PIEZO2: variants seen among roughly 807,000 people sequenced by gnomAD.
PIEZO2 encodes piezo-type mechanosensitive ion channel component 2.
In PIEZO2, 172 loss-of-function variants were observed where a neutral mutation model predicts 337.3. That is an observed-to-expected ratio of 0.51 (90% CI 0.45 to 0.58). The LOEUF is 0.58. Ranked by LOEUF, PIEZO2 falls within the 20% of genes least tolerant of loss-of-function variation. PIEZO2 has a pLI of 0.00. For synonymous variants in PIEZO2, 1,251 were observed against 1,228.5 expected (o/e 1.02, Z -0.38); for missense variants, 3,028 against 3,391.3 (o/e 0.89, Z 2.66).
At position 10,980,112 on chromosome 18, in the gene PIEZO2, A is replaced by G. The variant is rs1460979885; in HGVS notation, c.161-452T>C. 6.6e-6 allele frequency among the ~76,000 whole-genome samples: 1 copy of G among 152,106 alleles called. No individual in the cohort carries two copies. Among genetic ancestry groups the G allele is most frequent in the Non-Finnish European group, 1.5e-5 (1 of 68,024 alleles). ...AATAAGGCTAGAAAAGAAAATTATA[A>G]CCCCATGTTACTCATAACATAGATA... On this transcript the variant is annotated intron_variant, in intron 2 of 55. Transcript: ENST00000674853. This position sits in a 1 kb window ranked among gnomAD's most constrained non-coding sequence, Gnocchi z 4.8.
Position 10,752,795 on chromosome 18 carries a change from G to GGTGGTCCCA in PIEZO2, c.3999_4007dup (p.Gly1334_Thr1336dup). The GGTGGTCCCA allele has an allele frequency of 2.0e-6, 3 of 1,537,152 alleles. No homozygotes were observed. The highest frequency in any genetic ancestry group is 2.6e-6 in the Non-Finnish European group (3 of 1,146,896). ...ACCCCATGCAAAAGATGCTGATCCT[G>GGTGGTCCCA]GTGGTCCCAGTGATGAAGATGATGG... On this transcript the variant is annotated inframe_insertion, in exon 28 of 56. Coordinates refer to ENST00000674853, the MANE Select transcript of PIEZO2 (RefSeq NM_001378183.1).
chr18:10,913,268 G>T (rs1270336255), intron 3 of PIEZO2, among the ~76,000 whole-genome samples: 1 of 152,098 alleles, frequency 6.6e-6, no homozygotes, highest in East Asian at 1.9e-4. Context: ...CATAACCTGT[G>T]GAAGCCACAG....
intron 3 of PIEZO2, among the ~76,000 whole-genome samples, chr18:10,956,522 A>T (rs571750942): frequency 4.5e-4 from 69 of 152,350 alleles, no homozygotes; most frequent in African/African-American, 1.6e-3. Context: ...AGAAATTGAA[A>T]AAAAATTATC....
intron 2 of PIEZO2, among the ~76,000 whole-genome samples, chr18:10,996,200 T>C (rs2145582205): frequency 6.6e-6 from 1 of 152,328 alleles, no homozygotes; most frequent in Admixed American, 6.5e-5. Context: ...CACCGTAGTG[T>C]TTGTTGCTTT....
rs2039131863 is a variant in PIEZO2, at chr18:11,092,720, T to C, written c.65-26498A>G. 6.6e-6 allele frequency among the ~76,000 whole-genome samples: 1 copy of C among 151,904 alleles called. No individual in the cohort carries two copies. The highest frequency in any genetic ancestry group is 1.5e-5 in the Non-Finnish European group (1 of 67,998). ...AGCTTTGTCAAACCAAGAAAGAGGG[T>C]CACAAATGAGTTGCAGCCTTGCCTT... On this transcript the variant is annotated intron_variant, in intron 1 of 55. Transcript: ENST00000674853. The surrounding 1 kb of genome is among the most constrained non-coding windows in gnomAD (Gnocchi z 4.5).
rs116484109 is a variant in PIEZO2, at chr18:10,671,144, T to C, written c.*383A>G. On this transcript the variant is annotated 3_prime_UTR_variant, in exon 56 of 56. Coordinates refer to ENST00000674853, the MANE Select transcript of PIEZO2 (RefSeq NM_001378183.1). ...GGGGATGGAGCGCTGTATATTGCAT[T>C]GTAGCATCTCTCCAGGAAGTGCACG... 4.0e-3 allele frequency: 736 copies of C among 181,752 alleles called. 10 individuals carry two copies. Among genetic ancestry groups the C allele is most frequent in the African/African-American group, 0.017 (692 of 41,892 alleles). 11.3% of individuals were successfully genotyped at this position (181,752 alleles called of 1,614,324 possible).
rs2031334159 is a variant in PIEZO2, at chr18:10,920,690, TG to T, written c.287-9463del. On this transcript the variant is annotated intron_variant, in intron 3 of 55. Transcript: ENST00000674853. ...ACACAAGACGGCCAATCATAGAATC[TG>T]GGGGAAATTAAGAATATTTAAAAAG... 1.3e-5 allele frequency among the ~76,000 whole-genome samples: 2 copies of T among 152,052 alleles called. 1 individual carries two copies. Among genetic ancestry groups the T allele is most frequent in the Admixed American group, 1.3e-4 (2 of 15,258 alleles).
intron 3 of PIEZO2, among the ~76,000 whole-genome samples, chr18:10,960,439 A>AAGAGTG (rs1203759690): frequency 1.3e-5 from 2 of 152,204 alleles, no homozygotes; most frequent in Non-Finnish European, 2.9e-5. Flanking sequence ...TAAAAACATG[A>AAGAGTG]AGAGTGAGAT....
chr18:10,765,737 A>AGGGCAACTGAACT (rs11271811), intron 21 of PIEZO2, among the ~76,000 whole-genome samples: 3 of 151,740 alleles, frequency 2.0e-5, no homozygotes, highest in Admixed American at 6.6e-5. Flanking sequence ...CAGCAAGTGC[A>AGGGCAACTGAACT]GGAGTCCTGT....
At chr18:10,883,583 T>A (rs983671254) in intron 4 of PIEZO2, among the ~76,000 whole-genome samples, 3 of 152,184 alleles carry the variant, frequency 2.0e-5, no homozygotes, top group Non-Finnish European at 4.4e-5. Context: ...ACAGACATCA[T>A]CTCACATACT....
chr18:10,718,013 G>C (rs552112344), intron 37 of PIEZO2, among the ~76,000 whole-genome samples, 187 bp downstream of exon 37: 2 of 152,124 alleles, frequency 1.3e-5, no homozygotes, highest in African/African-American at 4.8e-5. Flanking sequence ...ATAAAGTCCA[G>C]ACCTACTTTT....
At chr18:10,681,978 T>A (rs1404003305) in intron 50 of PIEZO2, 126 bp downstream of exon 50, 1 of 985,816 alleles carries the variant, frequency 1.0e-6, no homozygotes, top group Non-Finnish European at 1.5e-6. Flanking sequence ...ACATCAAGTA[T>A]TTGCTGAGCA....
intron 2 of PIEZO2, among the ~76,000 whole-genome samples, chr18:11,059,285 C>A (rs1371838932): frequency 6.6e-6 from 1 of 152,186 alleles, no homozygotes; most frequent in African/African-American, 2.4e-5. Flanking sequence ...ACAACCAGTA[C>A]CAGCCACTGC....
intron 2 of PIEZO2, among the ~76,000 whole-genome samples, chr18:10,992,344 T>C (rs1263711775): frequency 1.3e-5 from 2 of 152,228 alleles, no homozygotes; most frequent in Non-Finnish European, 2.9e-5. Context: ...GGTTTTCTTC[T>C]AGGATTTTTA....
chr18:10,948,863 G>A (rs2033153117), intron 3 of PIEZO2, among the ~76,000 whole-genome samples: 1 of 152,124 alleles, frequency 6.6e-6, no homozygotes, highest in African/African-American at 2.4e-5. Flanking sequence ...GGTGTGTTTT[G>A]TATAGATACA....
At position 11,097,789 on chromosome 18, in the gene PIEZO2, CA is replaced by C. The variant is rs1401481906; in HGVS notation, c.65-31568del. On this transcript the variant is annotated intron_variant, in intron 1 of 55. Transcript: ENST00000674853. This position sits in a 1 kb window ranked among gnomAD's most constrained non-coding sequence, Gnocchi z 5.0. ...GTATGGTAGATATATATTCCTAAAT[CA>C]GAAAAAGTCTACCCACTGGGCTGTT... Among the ~76,000 whole-genome samples the C allele has an allele frequency of 5.3e-5, 8 of 152,144 alleles. No homozygotes were observed. The highest frequency in any genetic ancestry group is 1.9e-4 in the African/African-American group (8 of 41,428).
intron 27 of PIEZO2, among the ~76,000 whole-genome samples, chr18:10,755,618 G>T: frequency 6.6e-6 from 1 of 152,188 alleles, no homozygotes. Flanking sequence ...GGTCGAGCAC[G>T]GTTTAAGCAC....
chr18:10,916,503 C>G (rs2030976473), intron 3 of PIEZO2, among the ~76,000 whole-genome samples: 1 of 152,162 alleles, frequency 6.6e-6, no homozygotes, highest in Non-Finnish European at 1.5e-5. Flanking sequence ...GGACCCAGTT[C>G]CCCCTCCACA....
At chr18:10,805,472 T>C (rs993167635) in intron 8 of PIEZO2, among the ~76,000 whole-genome samples, 1 of 152,312 alleles carries the variant, frequency 6.6e-6, no homozygotes, top group African/African-American at 2.4e-5. Context: ...CCCGAGATCA[T>C]GCCATTGCAC....
Sources: gnomAD v4.1 joint callset for allele counts (sites outside exome capture counted in the v4.1 genomes callset) on GRCh38, gnomAD v4.1.1 for gene constraint, Gnocchi (gnomAD v3.1) non-coding constraint, MANE v1.5 for transcripts, NCBI Gene and HGNC (gene_info 2026-07-23, HGNC 2026-07-21) for gene names.